NEK11: variants seen among roughly 807,000 people sequenced by gnomAD.
NEK11 encodes the protein NIMA related kinase 11.
Under a neutral mutation model 80.7 loss-of-function variants are expected in NEK11, and 72 were observed. The ratio of observed to expected loss-of-function variants is 0.89; its 90% CI spans 0.74 to 1.08. The LOEUF is 1.08. NEK11 is among the 50% of genes least tolerant of loss of function. NEK11 has a pLI of 0.00. For synonymous variants in NEK11, 251 were observed against 260.7 expected (o/e 0.96, Z 0.36); for missense variants, 764 against 763.6 (o/e 1.00, Z -0.01).
chr3:131,064,191 A>T (rs35264664), intron 3 of NEK11, among the ~76,000 whole-genome samples: 25,070 of 152,104 alleles, frequency 0.16, 2,186 homozygotes, highest in Middle Eastern at 0.2. Context: ...GTGATTGCTG[A>T]TGGATAAGGG....
chr3:131,271,868 A>G (rs2096194773), intron 16 of NEK11, among the ~76,000 whole-genome samples: 1 of 151,924 alleles, frequency 6.6e-6, no homozygotes, highest in African/African-American at 2.4e-5. Flanking sequence ...AGGTGGGCGG[A>G]TCACCTGAGC....
At position 131,160,370 on chromosome 3, in the gene NEK11, A is replaced by G. The variant is rs137901057; in HGVS notation, c.963-2038A>G. Among the ~76,000 whole-genome samples the G allele has an allele frequency of 3.1e-3, 468 of 152,298 alleles. 1 individual carries two copies. The highest frequency in any genetic ancestry group is 0.011 in the African/African-American group (446 of 41,554). On this transcript the variant is annotated intron_variant, in intron 10 of 17. Transcript: ENST00000383366. ...GGAGAAATAAGATCCTTTTCAGACA[A>G]GCAAATACTGAGGGAATTGTTACTA...
chr3:131,281,168 T>G (rs1326697594), intron 17 of NEK11, among the ~76,000 whole-genome samples: 2 of 152,220 alleles, frequency 1.3e-5, no homozygotes, highest in Admixed American at 6.5e-5. Context: ...TTTAATACTT[T>G]TGTTAATTAT....
intron 7 of NEK11, among the ~76,000 whole-genome samples, chr3:131,150,373 T>G (rs142812725): frequency 6.6e-6 from 1 of 151,336 alleles, no homozygotes; most frequent in Admixed American, 6.6e-5. Context: ...CTATCTTTAT[T>G]GATTTTTTTA....
chr3:131,156,947 CA>C (rs749067690), intron 10 of NEK11, among the ~76,000 whole-genome samples: 1,385 of 108,002 alleles, frequency 0.013, 5 homozygotes, highest in Middle Eastern at 0.023. Flanking sequence ...GAGCATTCCA[CA>C]AAAAAAAAAA....
chr3:131,037,321 G>C (rs912208970), intron 3 of NEK11, among the ~76,000 whole-genome samples: 53 of 147,248 alleles, frequency 3.6e-4, no homozygotes, highest in Non-Finnish European at 3.9e-4. Context: ...GTCTTGCTCT[G>C]TTGCCAGGCT....
intron 16 of NEK11, among the ~76,000 whole-genome samples, chr3:131,251,414 T>A (rs138925109): frequency 1.0e-3 from 158 of 152,196 alleles, no homozygotes; most frequent in Non-Finnish European, 2.0e-3. Context: ...TACTTTAGTG[T>A]GCCTGCTATT....
At chr3:131,033,929 C>G (rs1481549139) in intron 3 of NEK11, among the ~76,000 whole-genome samples, 1 of 151,952 alleles carries the variant, frequency 6.6e-6, no homozygotes, top group Non-Finnish European at 1.5e-5. Flanking sequence ...GAGGTTTTTC[C>G]TTTATTATGC....
chr3:131,050,541 A>G (rs2068200605), intron 3 of NEK11, among the ~76,000 whole-genome samples: 1 of 152,262 alleles, frequency 6.6e-6, no homozygotes, highest in Non-Finnish European at 1.5e-5. Context: ...GTAGACAAGG[A>G]CATAAAACTT....
At chr3:131,226,439 C>T (rs931096664) in intron 14 of NEK11, among the ~76,000 whole-genome samples, 1 of 150,896 alleles carries the variant, frequency 6.6e-6, no homozygotes, top group African/African-American at 2.4e-5. Flanking sequence ...CTGCCCATCA[C>T]TGATGAGTGG....
chr3:131,119,321 G>A (rs142779159), intron 5 of NEK11, among the ~76,000 whole-genome samples: 4 of 151,998 alleles, frequency 2.6e-5, no homozygotes, highest in Admixed American at 2.0e-4. Flanking sequence ...TTGATTGCAC[G>A]GTGGTCTGAG....
intron 7 of NEK11, among the ~76,000 whole-genome samples, chr3:131,140,393 T>C (rs1046716946): frequency 6.6e-6 from 1 of 152,138 alleles, no homozygotes; most frequent in African/African-American, 2.4e-5. Context: ...GCCAGTGATG[T>C]GCGTGAGCCA....
chr3:131,143,892 A>G (rs978875554), intron 7 of NEK11, among the ~76,000 whole-genome samples: 5 of 152,074 alleles, frequency 3.3e-5, no homozygotes, highest in East Asian at 1.9e-4. Flanking sequence ...TTACATTTCC[A>G]TTACTGTTTC....
At chr3:131,281,927 C>A (rs1014928997) in intron 17 of NEK11, among the ~76,000 whole-genome samples, 15 of 152,146 alleles carry the variant, frequency 9.9e-5, no homozygotes, top group African/African-American at 3.4e-4. Flanking sequence ...TGTCTTACAG[C>A]AAACACACTT....
intron 5 of NEK11, among the ~76,000 whole-genome samples, chr3:131,118,895 A>G (rs1246995973): frequency 6.6e-6 from 1 of 151,522 alleles, no homozygotes; most frequent in Non-Finnish European, 1.5e-5. Context: ...GCTGTCTATC[A>G]ATTTTGTTGA....
intron 4 of NEK11, among the ~76,000 whole-genome samples, chr3:131,090,443 C>T (rs146604916): frequency 2.4e-4 from 37 of 152,204 alleles, no homozygotes; most frequent in South Asian, 1.0e-3. Context: ...CAGTTAAAGT[C>T]AATACATTTT....
chr3:131,204,230 G>T (rs2094371742), intron 14 of NEK11, among the ~76,000 whole-genome samples: 1 of 152,082 alleles, frequency 6.6e-6, no homozygotes, highest in South Asian at 2.1e-4. Context: ...GGGCATGGAT[G>T]CTCCATGCCA....
At chr3:131,217,344 G>T (rs1388025780) in intron 14 of NEK11, among the ~76,000 whole-genome samples, 1 of 152,050 alleles carries the variant, frequency 6.6e-6, no homozygotes, top group Admixed American at 6.6e-5. Context: ...ATCCTTATAA[G>T]CTGCTGGGAG....
rs2095262317 is a variant in NEK11, at chr3:131,228,605, G to A, written c.1477G>A (p.Glu493Lys). 1 of 1,613,556 alleles carries A rather than the reference G, an allele frequency of 6.2e-7. No homozygotes were observed. The highest frequency in any genetic ancestry group is 1.3e-5 in the African/African-American group (1 of 74,894). Reference sequence around the variant, plus strand: ...TTCCTATTGTGAAGAGAGTGATGAGGAGGAAGAAGAAATAGCGTTAGAAAG... The same window carrying A: ...TTCCTATTGTGAAGAGAGTGATGAGAAGGAAGAAGAAATAGCGTTAGAAAG... ...FDSYCEESDE[E>K]EEEIALERPE... Residue 493 changes from glutamate (E) to lysine (K), a missense_variant, in exon 15 of 18, where the codon GAG becomes AAG. Glu to Lys is a moderately conservative substitution (Grantham distance 56). Transcript: ENST00000383366.
Sources: allele counts gnomAD v4.1 joint callset (sites outside exome capture counted in the v4.1 genomes callset), GRCh38; gene constraint gnomAD v4.1.1; transcripts MANE v1.5; gene names NCBI Gene and HGNC (gene_info 2026-07-23, HGNC 2026-07-21).